Variants in MYPN observed in about 807,000 individuals in gnomAD.
MYPN encodes the protein myopalladin, also known as sarcomeric protein myopalladin, 145 kDa (MYOP).
A neutral mutation model predicts 129.4 loss-of-function variants in MYPN; 63 were observed. The ratio of observed to expected loss-of-function variants is 0.49; its 90% CI spans 0.40 to 0.60. The LOEUF (loss-of-function observed/expected upper bound fraction) is 0.60. MYPN is among the 20% of genes least tolerant of loss of function. The probability of loss-of-function intolerance (pLI) is 0.00; values close to 1 mark genes in which losing one functional copy is unlikely to be tolerated. For synonymous variants in MYPN, 629 were observed against 600.9 expected, an observed-to-expected ratio of 1.05 and a Z score of -0.68; for missense variants, 1,596 against 1,635.4, an observed-to-expected ratio of 0.98 and a Z score of 0.42.
At position 68,201,915 on chromosome 10, in the gene MYPN, C is replaced by T. The variant is rs762310456; in HGVS notation, c.3580C>T (p.Arg1194Cys). 7 of 1,614,010 alleles carry T rather than the reference C, an allele frequency of 4.3e-6. No individual in the cohort carries two copies. Among genetic ancestry groups the T allele is most frequent in the South Asian group, 2.2e-5 (2 of 91,084 alleles). Residue 1194 changes from arginine (R) to cysteine (C), a missense_variant, in exon 18 of 20, where the codon CGC becomes TGC. By Grantham distance (180) the Arg-to-Cys change is radical. Transcript: ENST00000358913. ...PEGHPVRLEC[R>C]VIGMPPPVFY... The stretch of plus-strand genomic sequence containing the variant: ...AGGCCACCCCGTGAGACTGGAGTGC[C>T]GCGTGATAGGCATGCCCCCACCTGT...
intron 18 of MYPN, among the ~76,000 whole-genome samples, chr10:68,205,525 A>G (rs931878338): frequency 6.6e-5 from 10 of 151,920 alleles, no homozygotes; most frequent in African/African-American, 1.4e-4. Context: ...CCAAAAAAAA[A>G]AAAAAAGAAA....
upstream of MYPN, among the ~76,000 whole-genome samples, chr10:68,107,771 C>T (rs2042031252): frequency 6.6e-6 from 1 of 152,182 alleles, no homozygotes; most frequent in African/African-American, 2.4e-5. Context: ...CTCCTTCAAC[C>T]TTAGTATTCT....
At chr10:68,165,992 T>C (rs1046432650) in intron 9 of MYPN, among the ~76,000 whole-genome samples, 174 bp downstream of exon 9, 1 of 152,254 alleles carries the variant, frequency 6.6e-6, no homozygotes, top group Non-Finnish European at 1.5e-5. Flanking sequence ...AACTTCTTAT[T>C]GCGCTTACAG....
At chr10:68,137,659 A>C (rs144121127) in intron 2 of MYPN, among the ~76,000 whole-genome samples, 1 of 152,312 alleles carries the variant, frequency 6.6e-6, no homozygotes, top group Admixed American at 6.5e-5. Context: ...AAATTTAAGT[A>C]TTGGAAAACC....
intron 17 of MYPN, among the ~76,000 whole-genome samples, chr10:68,200,529 G>A (rs66786242): frequency 0.25 from 38,566 of 151,890 alleles, 5,513 homozygotes; most frequent in East Asian, 0.66. Flanking sequence ...AGGCTGAGGC[G>A]GGTGGATCAC....
intron 12 of MYPN, among the ~76,000 whole-genome samples, chr10:68,183,784 G>A (rs1218020049): frequency 6.6e-6 from 1 of 152,184 alleles, no homozygotes; most frequent in Non-Finnish European, 1.5e-5. Flanking sequence ...AACACTCTGG[G>A]AAGCCAAAGT....
chr10:68,161,915 C>T, intron 8 of MYPN, 163 bp downstream of exon 8: 1 of 561,784 alleles, frequency 1.8e-6, no homozygotes, highest in Non-Finnish European at 3.1e-6. Flanking sequence ...GTAATTCCAG[C>T]ACTTTGCGAG....
At chr10:68,122,440 A>T in intron 2 of MYPN, 100 bp downstream of exon 2, 1 of 1,262,344 alleles carries the variant, frequency 7.9e-7, no homozygotes, top group South Asian at 1.2e-5. Context: ...AAAATTATAT[A>T]CTCCCTTTGA....
At chr10:68,154,119 C>T (rs887189200) in intron 6 of MYPN, among the ~76,000 whole-genome samples, 1 of 152,182 alleles carries the variant, frequency 6.6e-6, no homozygotes, top group Non-Finnish European at 1.5e-5. Context: ...ATAGGTGATA[C>T]CTATGTTTTT....
intron 8 of MYPN, among the ~76,000 whole-genome samples, chr10:68,164,270 C>T (rs1448899254): frequency 1.3e-5 from 2 of 152,170 alleles, no homozygotes; most frequent in African/African-American, 4.8e-5. Context: ...GGCAGAAGGG[C>T]AAGAGAGCAA....
At chr10:68,095,349 C>CAAAA (rs34153833) in intron 1 of MYPN, among the ~76,000 whole-genome samples, 18 of 114,702 alleles carry the variant, frequency 1.6e-4, no homozygotes, top group African/African-American at 4.2e-4. Context: ...GTCCCTGTCT[C>CAAAA]AAAAAAAAAA....
chr10:68,108,804 C>T (rs1395859468), upstream of MYPN, among the ~76,000 whole-genome samples: 2 of 152,154 alleles, frequency 1.3e-5, no homozygotes, highest in Non-Finnish European at 2.9e-5. Flanking sequence ...TCACCGCAAC[C>T]TCTACCTCCC....
At chr10:68,161,259 G>C (rs2042970229) in intron 7 of MYPN, among the ~76,000 whole-genome samples, 1 of 152,180 alleles carries the variant, frequency 6.6e-6, no homozygotes, top group Non-Finnish European at 1.5e-5. Flanking sequence ...ACTTTGGGAG[G>C]CTAAGGCGGG....
chr10:68,098,771 A>G (rs771317876), intron 1 of MYPN, among the ~76,000 whole-genome samples: 11 of 152,072 alleles, frequency 7.2e-5, no homozygotes, highest in Non-Finnish European at 2.9e-5. Flanking sequence ...TGAACCCAGG[A>G]GGCAGAGGTT....
chr10:68,113,744 TC>T (rs1398248669), intron 1 of MYPN, among the ~76,000 whole-genome samples: 10 of 152,100 alleles, frequency 6.6e-5, no homozygotes, highest in Non-Finnish European at 2.9e-5. Flanking sequence ...TTCGTTTTTT[TC>T]AGCTTTATGA....
chr10:68,163,154 G>C (rs1330050834), intron 8 of MYPN, among the ~76,000 whole-genome samples: 1 of 152,084 alleles, frequency 6.6e-6, no homozygotes, highest in Non-Finnish European at 1.5e-5. Context: ...AATTAGCCAG[G>C]CATAGTGGTG....
intron 1 of MYPN, among the ~76,000 whole-genome samples, chr10:68,111,868 G>A (rs2042086509): frequency 6.6e-6 from 1 of 152,160 alleles, no homozygotes; most frequent in Non-Finnish European, 1.5e-5. Context: ...TTGATCTTGA[G>A]ATCCCTTGGG....
chr10:68,203,016 T>C (rs2043744353), intron 18 of MYPN, among the ~76,000 whole-genome samples: 1 of 152,198 alleles, frequency 6.6e-6, no homozygotes, highest in South Asian at 2.1e-4. Context: ...TCTACAATTT[T>C]AAATATGGTT....
Position 68,142,419 on chromosome 10 carries a change from G to A in MYPN, c.903-521G>A, listed in dbSNP as rs576965693. On this transcript the variant is annotated intron_variant, in intron 2 of 19. Coordinates refer to ENST00000358913, the MANE Select transcript of MYPN (RefSeq NM_032578.4). Reference sequence around the variant, plus strand: ...CATATTTAACGTGGGTTATTTGCCAGAGTTGGGCCACTCCTGGGAGAATAT... The same window carrying A: ...CATATTTAACGTGGGTTATTTGCCAAAGTTGGGCCACTCCTGGGAGAATAT... Among the ~76,000 whole-genome samples, 9 of 152,288 alleles carry A rather than the reference G, an allele frequency of 5.9e-5. No individual in the cohort carries two copies. The South Asian group carries it at 8.3e-4, about 14-fold the overall frequency.
Sources: allele counts gnomAD v4.1 joint callset (sites outside exome capture counted in the v4.1 genomes callset), GRCh38; gene constraint gnomAD v4.1.1; transcripts MANE v1.5; gene names NCBI Gene and HGNC (gene_info 2026-07-23, HGNC 2026-07-21).